The following XPNPEP1 variants were observed in gnomAD, a reference collection of about 807,000 sequenced individuals.
XPNPEP1 encodes xaa-Pro aminopeptidase 1.
In XPNPEP1, 39 loss-of-function variants were observed where a neutral mutation model predicts 92.4. The observed-to-expected ratio is 0.42, with a 90% CI of 0.33 to 0.55. The LOEUF is 0.55. XPNPEP1 is among the 20% of genes least tolerant of loss of function. The probability of loss-of-function intolerance (pLI) is 0.08; values close to 1 mark genes in which losing one functional copy is unlikely to be tolerated. For missense variants in XPNPEP1, 654 were observed against 856.1 expected (o/e 0.76, Z 2.95); for synonymous variants, 307 against 299.4 (o/e 1.03, Z -0.26).
intron 2 of XPNPEP1, among the ~76,000 whole-genome samples, chr10:109,911,766 A>G (rs1849886394): frequency 6.6e-6 from 1 of 152,226 alleles, no homozygotes; most frequent in Non-Finnish European, 1.5e-5. Context: ...CCTTGGCTTC[A>G]GGAGTTTTAA....
intron 3 of XPNPEP1, among the ~76,000 whole-genome samples, chr10:109,899,964 A>G (rs1380307411): frequency 6.6e-6 from 1 of 152,260 alleles, no homozygotes; most frequent in Admixed American, 6.5e-5. Flanking sequence ...CCAGATTACC[A>G]GAGAGAACAG....
intron 8 of XPNPEP1, among the ~76,000 whole-genome samples, chr10:109,885,675 A>T (rs1848349749): frequency 6.6e-6 from 1 of 152,206 alleles, no homozygotes; most frequent in Non-Finnish European, 1.5e-5. Flanking sequence ...CCACTCAGAA[A>T]CCAGAAGACA....
In XPNPEP1 at chr10:109,886,282, T is replaced by G. The variant is rs1422125353; in HGVS notation, c.712A>C (p.Met238Leu). ...TCCAAGGCAGTGACCACAAACCACATGACGTTCCTCTCAGCCATTTTCAAC... is the reference window on the plus strand; with the variant it reads ...TCCAAGGCAGTGACCACAAACCACAGGACGTTCCTCTCAGCCATTTTCAAC... ...LRLKMAERNV[M>L]WFVVTALDEI... Residue 238 changes from methionine (M) to leucine (L), a missense_variant, in exon 8 of 21, where the codon ATG becomes CTG. By Grantham distance (15) the Met-to-Leu change is conservative. Transcript: ENST00000502935. 4 of 1,614,056 alleles carry G rather than the reference T, an allele frequency of 2.5e-6. No homozygotes were observed. Among genetic ancestry groups the G allele is most frequent in the Non-Finnish European group, 3.4e-6 (4 of 1,180,042 alleles).
At chr10:109,876,426 C>T (rs1012057638) in intron 14 of XPNPEP1, 2 of 152,248 alleles carry the variant, frequency 1.3e-5, no homozygotes, top group South Asian at 2.1e-4. Context: ...TCTAAACAGG[C>T]TTCCAACCAC....
At chr10:109,921,120 G>A (rs1470560873) in intron 1 of XPNPEP1, among the ~76,000 whole-genome samples, 1 of 152,180 alleles carries the variant, frequency 6.6e-6, no homozygotes, top group Non-Finnish European at 1.5e-5. Flanking sequence ...TGTTTGGACA[G>A]ATAAAATTCT....
Position 109,891,779 on chromosome 10 carries a change from G to A in XPNPEP1, c.358C>T (p.Arg120Cys), listed in dbSNP as rs774523025. The A allele has an allele frequency of 2.5e-6, 4 of 1,600,016 alleles. No individual in the cohort carries two copies. The highest frequency in any genetic ancestry group is 1.1e-5 in the South Asian group (1 of 88,332). The change falls in exon 5 of 21, where the codon CGC (arginine) becomes TGC (cysteine). Residue 120 changes from arginine (R) to cysteine (C), a missense_variant. By Grantham distance (180) the Arg-to-Cys change is radical. Coordinates refer to ENST00000502935, the MANE Select transcript of XPNPEP1 (RefSeq NM_020383.4). ...EEHAAMWTDG[R>C]YFLQAAKQMD... ...TGCTTGGCAGCCTGGAGAAAGTAGC[G>A]CCCGTCAGTCCACATGGCTGCATGC...
In XPNPEP1 at chr10:109,877,997, T is replaced by C; in HGVS notation, c.1241+3A>G. 6.2e-7 allele frequency: 1 copy of C among 1,614,248 alleles called. No homozygotes were observed. The highest frequency in any genetic ancestry group is 8.5e-7 in the Non-Finnish European group (1 of 1,180,034). On this transcript the variant is annotated splice_donor_region_variant and intron_variant, in intron 13 of 20. Transcript: ENST00000502935. ...TCCTGGGTCCCCCCAAATGGATCCT[T>C]ACCTGCGAAACTCCTCAGCTTTGTC...
At position 109,907,673 on chromosome 10, in the gene XPNPEP1, C is replaced by T. The variant is rs1401896020; in HGVS notation, c.246+18G>A. Reference sequence around the variant, plus strand: ...AAAAAGACTGAAAAGAAAGGAGAGGCCCATTGCCATGCAGTACCTGATGAG... The same window carrying T: ...AAAAAGACTGAAAAGAAAGGAGAGGTCCATTGCCATGCAGTACCTGATGAG... On this transcript the variant is annotated intron_variant, in intron 3 of 20. Coordinates refer to ENST00000502935, the MANE Select transcript of XPNPEP1 (RefSeq NM_020383.4). 2.5e-6 allele frequency: 4 copies of T among 1,613,944 alleles called. No homozygotes were observed. The highest frequency in any genetic ancestry group is 1.1e-5 in the South Asian group (1 of 91,054).
At chr10:109,907,926 G>T in intron 2 of XPNPEP1, 111 bp from the exon 3 acceptor site, 2 of 1,486,908 alleles carry the variant, frequency 1.3e-6, no homozygotes, top group South Asian at 1.3e-5. Flanking sequence ...CCCACTCCCA[G>T]TTAGGTCTTC....
chr10:109,920,745 C>T (rs1379040286), intron 1 of XPNPEP1, among the ~76,000 whole-genome samples: 1 of 151,908 alleles, frequency 6.6e-6, no homozygotes, highest in Non-Finnish European at 1.5e-5. Flanking sequence ...AGGATCTCAC[C>T]ACATTGCCCA....
intron 3 of XPNPEP1, among the ~76,000 whole-genome samples, chr10:109,899,617 T>C (rs1463910665): frequency 6.6e-6 from 1 of 152,246 alleles, no homozygotes; most frequent in African/African-American, 2.4e-5. Context: ...AGAGAAAGCC[T>C]GTTTATGAAA....
chr10:109,916,178 T>C (rs938332886), intron 1 of XPNPEP1, among the ~76,000 whole-genome samples: 1 of 152,186 alleles, frequency 6.6e-6, no homozygotes, highest in South Asian at 2.1e-4. Context: ...TTATTTCATA[T>C]GGGGTAGCCA....
intron 17 of XPNPEP1, among the ~76,000 whole-genome samples, chr10:109,871,470 T>A (rs573597666): frequency 6.6e-6 from 1 of 152,324 alleles, no homozygotes; most frequent in East Asian, 1.9e-4. Flanking sequence ...GACAGGAGGC[T>A]GCACCAACTT....
intron 7 of XPNPEP1, among the ~76,000 whole-genome samples, chr10:109,887,801 C>A (rs1014148337): frequency 6.6e-6 from 1 of 152,218 alleles, no homozygotes; most frequent in African/African-American, 2.4e-5. Flanking sequence ...GTCTTTTCAG[C>A]AGCACCCAAA....
In XPNPEP1 at chr10:109,877,128, T is replaced by C. The variant is rs74897022; in HGVS notation, c.1319+662A>G. ...GGAGCTCACAAGATGTATGGACTAGTACAAAACAGCTGCTGTTACCAAGAA... is the reference window on the plus strand; with the variant it reads ...GGAGCTCACAAGATGTATGGACTAGCACAAAACAGCTGCTGTTACCAAGAA... On this transcript the variant is annotated intron_variant, in intron 14 of 20. Transcript: ENST00000502935. 1,382 of 152,534 alleles carry C rather than the reference T, an allele frequency of 9.1e-3. 13 individuals carry two copies. The highest frequency in any genetic ancestry group is 0.014 in the South Asian group (67 of 4,824). 9.4% of individuals were successfully genotyped at this position (152,534 alleles called of 1,614,324 possible). A position where few individuals can be genotyped will look rare whatever the true frequency, so the allele number is the denominator to read the frequency against.
Position 109,907,856 on chromosome 10 carries a change from C to T in XPNPEP1, c.122-41G>A, listed in dbSNP as rs202125239. 224 of 1,611,184 alleles carry T rather than the reference C, an allele frequency of 1.4e-4. 2 individuals are homozygous for T. The African/African-American group carries it at 2.5e-3, about 18-fold the overall frequency. On this transcript the variant is annotated intron_variant, in intron 2 of 20. Coordinates refer to ENST00000502935, the MANE Select transcript of XPNPEP1 (RefSeq NM_020383.4). The stretch of plus-strand genomic sequence containing the variant: ...AGCAAATTTCAAAACCAGCCTGCCC[C>T]CAGCAATTCAACGTCCAGTTCGAAG...
chr10:109,879,845 C>A (rs1847992927), intron 12 of XPNPEP1, among the ~76,000 whole-genome samples: 1 of 152,032 alleles, frequency 6.6e-6, no homozygotes, highest in Admixed American at 6.5e-5. Flanking sequence ...AAAATGTACA[C>A]AAAGATCTTT....
At chr10:109,891,889 C>T (rs1848724876) in intron 4 of XPNPEP1, 63 bp from the exon 5 acceptor site, 2 of 1,541,020 alleles carry the variant, frequency 1.3e-6, no homozygotes, top group African/African-American at 1.4e-5. Context: ...AGAAGCTGCA[C>T]AAAATGACAG....
At position 109,865,206 on chromosome 10, in the gene XPNPEP1, T is replaced by C; in HGVS notation, c.1979A>G (p.Gln660Arg). Reference protein sequence around the residue: ...EALEWLIRETQPISKQH With the variant: ...EALEWLIRETRPISKQH ...TTATTAATGCTGTTTGGAGATGGGT[T>C]GCGTCTCTCTGATGAGCCACTCGAG... The change falls in exon 21 of 21, where the codon CAA becomes CGA. Residue 660 changes from glutamine to arginine, a missense_variant. Gln to Arg is a conservative substitution (Grantham distance 43). Transcript: ENST00000502935. The C allele has an allele frequency of 1.2e-6, 2 of 1,614,146 alleles. No individual in the cohort carries two copies. Among genetic ancestry groups the C allele is most frequent in the Non-Finnish European group, 1.7e-6 (2 of 1,180,028 alleles).
Sources: gnomAD v4.1 joint callset for allele counts (sites outside exome capture counted in the v4.1 genomes callset) on GRCh38, gnomAD v4.1.1 for gene constraint, MANE v1.5 for transcripts, NCBI Gene and HGNC (gene_info 2026-07-23, HGNC 2026-07-21) for gene names.